Variants in MAP4 observed in about 807,000 individuals in gnomAD.
The protein encoded by MAP4 is microtubule-associated protein 4.
MAP4 carries 76 observed loss-of-function variants against 170.2 expected under a neutral mutation model. That is an observed-to-expected ratio of 0.45 (90% CI 0.37 to 0.54). The LOEUF (loss-of-function observed/expected upper bound fraction) is 0.54. Ranked by LOEUF, MAP4 falls within the 20% of genes least tolerant of loss-of-function variation. MAP4 has a pLI of 0.00. For missense variants in MAP4, 2,506 were observed against 2,748.0 expected (o/e 0.91, Z 1.97); for synonymous variants, 909 against 994.5 (o/e 0.91, Z 1.62).
chr3:47,897,975 C>T (rs966474238), intron 10 of MAP4, among the ~76,000 whole-genome samples: 3 of 151,424 alleles, frequency 2.0e-5, no homozygotes, highest in African/African-American at 7.3e-5. Flanking sequence ...AAGAATGGTC[C>T]TGCTTTAATT....
Position 47,863,937 on chromosome 3 carries a change from T to TGTGTGTGTGTGG in MAP4, c.6501+3308_6501+3309insCCACACACACAC, listed in dbSNP as rs374208589. Among the ~76,000 whole-genome samples, 180 of 138,474 alleles carry TGTGTGTGTGTGG rather than the reference T, an allele frequency of 1.3e-3. 8 individuals carry two copies. Among genetic ancestry groups the TGTGTGTGTGTGG allele is most frequent in the African/African-American group, 4.7e-3 (174 of 36,676 alleles). 90.8% of individuals were successfully genotyped at this position (138,474 alleles called of 152,430 possible). A position where few individuals can be genotyped will look rare whatever the true frequency, so the allele number is the denominator to read the frequency against. ...GTGGGTGTGGGTGTGTGTGTGTGTG[T>TGTGTGTGTGTGG]GGGGAGTGGTGGGGGGTGTAATGCT... On this transcript the variant is annotated intron_variant, in intron 17 of 20. Coordinates refer to ENST00000683076, the MANE Select transcript of MAP4 (RefSeq NM_001385682.1).
intron 2 of MAP4, among the ~76,000 whole-genome samples, chr3:47,989,711 G>GA (rs979127448): frequency 5.9e-5 from 9 of 152,096 alleles, no homozygotes; most frequent in African/African-American, 2.2e-4. Flanking sequence ...TTGACAAGTA[G>GA]AAAAAAGGCT....
chr3:48,053,065 T>A (rs757955524), intron 1 of MAP4, among the ~76,000 whole-genome samples: 2 of 152,212 alleles, frequency 1.3e-5, no homozygotes, highest in Non-Finnish European at 1.5e-5. Flanking sequence ...TCTACATTCA[T>A]TCATTAAGTG....
intron 3 of MAP4, among the ~76,000 whole-genome samples, chr3:47,962,024 C>A (rs1204331483): frequency 1.3e-5 from 2 of 152,188 alleles, no homozygotes; most frequent in Admixed American, 1.3e-4. Flanking sequence ...CATAAAGACA[C>A]TCCTACCAGT....
At chr3:47,858,622 G>T (rs756514509) in intron 17 of MAP4, among the ~76,000 whole-genome samples, 4 of 59,804 alleles carry the variant, frequency 6.7e-5, no homozygotes, top group African/African-American at 2.4e-4. Flanking sequence ...TGTGCGCGTT[G>T]TGTGTGTGTG....
intron 1 of MAP4, among the ~76,000 whole-genome samples, chr3:48,046,947 A>C (rs2100124876): frequency 6.6e-6 from 1 of 151,818 alleles, no homozygotes; most frequent in Non-Finnish European, 1.5e-5. Context: ...ACAAAAAATG[A>C]GCCGGGCGTG....
intron 10 of MAP4, among the ~76,000 whole-genome samples, chr3:47,895,450 A>G (rs952924599): frequency 7.2e-5 from 11 of 152,216 alleles, no homozygotes; most frequent in African/African-American, 2.2e-4. Context: ...CTGGGACTCC[A>G]CTAGGCAGTA....
intron 1 of MAP4, among the ~76,000 whole-genome samples, chr3:48,053,155 CTT>C (rs2100128803): frequency 3.3e-5 from 5 of 152,250 alleles, no homozygotes; most frequent in East Asian, 1.9e-4. Flanking sequence ...CAAGAATAAA[CTT>C]GAGTATAATT....
intron 1 of MAP4, among the ~76,000 whole-genome samples, chr3:48,049,563 G>C (rs986523052): frequency 6.6e-6 from 1 of 152,118 alleles, no homozygotes; most frequent in East Asian, 1.9e-4. Context: ...AGGTTGCAGT[G>C]AGCAATGATG....
chr3:47,918,931 TG>T, intron 5 of MAP4, 90 bp from the exon 6 acceptor site: 2 of 1,221,628 alleles, frequency 1.6e-6, no homozygotes, highest in Non-Finnish European at 2.3e-6. Context: ...TGTTTTGTTT[TG>T]TTTGTTTTTT....
chr3:48,033,663 G>T (rs2100117318), intron 1 of MAP4, among the ~76,000 whole-genome samples: 1 of 151,954 alleles, frequency 6.6e-6, no homozygotes, highest in Admixed American at 6.6e-5. Flanking sequence ...TGCAGTGGTA[G>T]GATCTCAGCT....
intron 3 of MAP4, among the ~76,000 whole-genome samples, chr3:47,963,265 TGAACTGTAA>T (rs1311228771): frequency 1.3e-5 from 2 of 152,260 alleles, no homozygotes; most frequent in African/African-American, 4.8e-5. Context: ...TATAATGGGT[TGAACTGTAA>T]GAACTTTCTA....
At chr3:48,043,289 C>T (rs1395104950) in intron 1 of MAP4, among the ~76,000 whole-genome samples, 7 of 152,104 alleles carry the variant, frequency 4.6e-5, no homozygotes, top group South Asian at 2.1e-4. Flanking sequence ...TTAGTAGAGA[C>T]GGGGTTTTGC....
rs774716574 is a variant in MAP4 at position 47,977,933 on chromosome 3, T to G, written c.224A>C (p.Asp75Ala). Residue 75 changes from aspartate (D) to alanine (A), a missense_variant and splice_region_variant, in exon 3 of 21, where the codon GAT becomes GCT. Coordinates refer to ENST00000683076, the MANE Select transcript of MAP4 (RefSeq NM_001385682.1). ...GAGTGTTGGTTTAGAAGATGGAGTA[T>G]CTGCAACAATGACAAATAATTACCC... is the stretch of plus-strand genomic sequence containing the variant. ...KPCSETSQIE[D>A]TPSSKPTLLA... 1 of 1,606,080 alleles carries G rather than the reference T, an allele frequency of 6.2e-7. No individual in the cohort carries two copies. The highest frequency in any genetic ancestry group is 1.7e-5 in the Admixed American group (1 of 59,988).
At chr3:48,073,252 TACACACACAC>T (rs35163339) in intron 1 of MAP4, among the ~76,000 whole-genome samples, 6,110 of 134,506 alleles carry the variant, frequency 0.045, 309 homozygotes, top group African/African-American at 0.12. Flanking sequence ...TCCAAAGGAA[TACACACACAC>T]ACACACACAC....
chr3:48,020,992 A>AG (rs1434030603), upstream of MAP4, among the ~76,000 whole-genome samples: 1 of 152,202 alleles, frequency 6.6e-6, no homozygotes, highest in Non-Finnish European at 1.5e-5. Flanking sequence ...TCTTGCAGTA[A>AG]GGGTAATCAT....
At position 47,909,185 on chromosome 3, in the gene MAP4, G is replaced by T. The variant is rs763380877; in HGVS notation, c.5236C>A (p.Pro1746Thr). 6.2e-7 allele frequency: 1 copy of T among 1,613,818 alleles called. No homozygotes were observed. The highest frequency in any genetic ancestry group is 8.5e-7 in the Non-Finnish European group (1 of 1,179,878). ...TTATCTTCCTTTTTCCCTTCTCCTGGTGTCTTTGATTCAGATTTTTCTGTC... is the reference window on the plus strand; with the variant it reads ...TTATCTTCCTTTTTCCCTTCTCCTGTTGTCTTTGATTCAGATTTTTCTGTC... ...KMTEKSESKT[P>T]GEGKKEDKSR... is the part of the protein sequence containing the mutation. Residue 1746 changes from proline to threonine, a missense_variant, in exon 9 of 21, where the codon CCA becomes ACA. Pro to Thr is a conservative substitution (Grantham distance 38). Coordinates refer to ENST00000683076, the MANE Select transcript of MAP4 (RefSeq NM_001385682.1).
At chr3:47,892,783 T>G in intron 10 of MAP4, 1 of 1,201,286 alleles carries the variant, frequency 8.3e-7, no homozygotes, top group South Asian at 2.3e-5. Context: ...GAACTAGCAC[T>G]CTGTTTAGAT....
intron 1 of MAP4, among the ~76,000 whole-genome samples, chr3:48,003,458 A>C (rs1015970724): frequency 1.4e-5 from 2 of 142,072 alleles, no homozygotes; most frequent in African/African-American, 5.9e-5. Context: ...CTTCTCAAAA[A>C]AAAAAAAAAA....
Sources: allele counts gnomAD v4.1 joint callset (sites outside exome capture counted in the v4.1 genomes callset), GRCh38; gene constraint gnomAD v4.1.1; transcripts MANE v1.5; gene names NCBI Gene and HGNC (gene_info 2026-07-23, HGNC 2026-07-21).